PGPEP1L: variants seen among roughly 807,000 people sequenced by gnomAD.
PGPEP1L encodes pyroglutamyl-peptidase 1-like protein.
PGPEP1L carries 7 observed loss-of-function variants against 6.0 expected under a neutral mutation model. The ratio of observed to expected loss-of-function variants is 1.17; its 90% confidence interval spans 0.66 to 2.19. The LOEUF (loss-of-function observed/expected upper bound fraction) is 2.19, where lower values mean the gene tolerates loss of function less well. Ranked by LOEUF, PGPEP1L falls within the 30% of genes most tolerant of loss-of-function variation. The probability of loss-of-function intolerance (pLI) is 0.00; values close to 1 mark genes in which losing one functional copy is unlikely to be tolerated. For missense variants in PGPEP1L, 209 were observed against 192.5 expected (o/e 1.09, Z -0.51); for synonymous variants, 103 against 83.9 (o/e 1.23, Z -1.24).
intron 4 of PGPEP1L, 50 bp from the exon 5 acceptor site, chr15:98,968,747 C>A: frequency 1.3e-6 from 2 of 1,509,662 alleles, no homozygotes; most frequent in Non-Finnish European, 1.8e-6. Flanking sequence ...CCTCTAACCT[C>A]AGTGAAACAT....
chr15:99,005,184 G>A (rs1476746519), intron 2 of PGPEP1L, among the ~76,000 whole-genome samples: 3 of 152,160 alleles, frequency 2.0e-5, no homozygotes, highest in Non-Finnish European at 2.9e-5. Flanking sequence ...TGGCACCTTC[G>A]TGCCCGCCAC....
rs539457708 is a variant in PGPEP1L at position 98,994,567 on chromosome 15, T to C, written c.-142+10862A>G. ...CTATACTGCATTCCAGCCTGGGCAATTGGAGTGAGACCCTGTATCAAAAAA... is the reference window on the plus strand; with the variant it reads ...CTATACTGCATTCCAGCCTGGGCAACTGGAGTGAGACCCTGTATCAAAAAA... On this transcript the variant is annotated intron_variant, in intron 2 of 4. Coordinates refer to ENST00000535714, the MANE Select transcript of PGPEP1L (RefSeq NM_001167902.2). Among the ~76,000 whole-genome samples, 3 of 152,200 alleles carry C rather than the reference T, an allele frequency of 2.0e-5. No homozygotes were observed. In the South Asian group the frequency reaches 6.2e-4, roughly 32 times the overall value.
At chr15:98,984,338 G>A (rs906036469) in intron 2 of PGPEP1L, among the ~76,000 whole-genome samples, 1 of 152,068 alleles carries the variant, frequency 6.6e-6, no homozygotes, top group Non-Finnish European at 1.5e-5. Flanking sequence ...AACATTGCTT[G>A]GTAATGCTCT....
chr15:99,006,615 G>A (rs570424050), intron 1 of PGPEP1L, among the ~76,000 whole-genome samples: 1 of 152,324 alleles, frequency 6.6e-6, no homozygotes, highest in African/African-American at 2.4e-5. Context: ...GATAGCCTGA[G>A]GCCAGGAGTT....
chr15:98,972,923 T>C (rs1476104931), intron 2 of PGPEP1L, among the ~76,000 whole-genome samples: 3 of 138,448 alleles, frequency 2.2e-5, no homozygotes, highest in Non-Finnish European at 4.7e-5. Flanking sequence ...GCTGAATGGA[T>C]TTTGAAAAAA....
At chr15:98,982,286 C>T (rs780623795) in intron 2 of PGPEP1L, among the ~76,000 whole-genome samples, 4 of 152,134 alleles carry the variant, frequency 2.6e-5, no homozygotes, top group African/African-American at 9.7e-5. Context: ...CTTGTGCAGG[C>T]GACTGGGACT....
chr15:98,972,331 C>CA (rs1243342373), intron 2 of PGPEP1L, among the ~76,000 whole-genome samples: 1 of 149,456 alleles, frequency 6.7e-6, no homozygotes, highest in Non-Finnish European at 1.5e-5. Context: ...CCAGCCTGGG[C>CA]AACAAGAGCA....
At chr15:99,006,615 G>C (rs570424050) in intron 1 of PGPEP1L, among the ~76,000 whole-genome samples, 1 of 152,206 alleles carries the variant, frequency 6.6e-6, no homozygotes, top group South Asian at 2.1e-4. Flanking sequence ...GATAGCCTGA[G>C]GCCAGGAGTT....
At chr15:99,000,080 G>A (rs374490539) in intron 2 of PGPEP1L, among the ~76,000 whole-genome samples, 5 of 152,256 alleles carry the variant, frequency 3.3e-5, no homozygotes, top group East Asian at 1.9e-4. Context: ...GGGGCTGCGT[G>A]CAGTGCTTGC....
chr15:98,987,870 G>A (rs1567239775), intron 2 of PGPEP1L, among the ~76,000 whole-genome samples: 1 of 152,104 alleles, frequency 6.6e-6, no homozygotes, highest in Non-Finnish European at 1.5e-5. Flanking sequence ...TCCCACCTGG[G>A]AGGCACAAGG....
At chr15:98,994,862 T>C (rs1450401685) in intron 2 of PGPEP1L, among the ~76,000 whole-genome samples, 1 of 152,272 alleles carries the variant, frequency 6.6e-6, no homozygotes, top group African/African-American at 2.4e-5. Flanking sequence ...GATAATTTTT[T>C]GGCACTTTGA....
intron 2 of PGPEP1L, among the ~76,000 whole-genome samples, chr15:98,972,304 G>A (rs938293635): frequency 6.6e-6 from 1 of 152,002 alleles, no homozygotes; most frequent in Admixed American, 6.6e-5. Context: ...AGTGAACTGA[G>A]ATCGTGCCAT....
intron 2 of PGPEP1L, among the ~76,000 whole-genome samples, chr15:98,984,367 C>G (rs1372597941): frequency 1.3e-5 from 2 of 152,074 alleles, no homozygotes; most frequent in African/African-American, 4.8e-5. Context: ...ATAAAATTGA[C>G]TCTTGCTGGG....
chr15:98,971,042 CTGA>C lies in PGPEP1L; in HGVS notation c.-28_-26del, dbSNP rs1812459603. On this transcript the variant is annotated 5_prime_UTR_variant, in exon 3 of 5. Transcript: ENST00000535714. The stretch of plus-strand genomic sequence containing the variant: ...GCCTCTGGCCATCACTTACTTGCGG[CTGA>C]TGATCTTCCCAGATTCCGGTGACCC... 6.2e-7 allele frequency: 1 copy of C among 1,613,778 alleles called. No homozygotes were observed. The highest frequency in any genetic ancestry group is 8.5e-7 in the Non-Finnish European group (1 of 1,179,784).
intron 4 of PGPEP1L, among the ~76,000 whole-genome samples, chr15:98,968,925 G>C (rs954313544): frequency 6.6e-6 from 1 of 150,476 alleles, no homozygotes; most frequent in Non-Finnish European, 1.5e-5. Context: ...AGGCAGAAAG[G>C]GGTCAGATAT....
At chr15:99,000,979 G>A (rs2017959307) in intron 2 of PGPEP1L, among the ~76,000 whole-genome samples, 1 of 152,026 alleles carries the variant, frequency 6.6e-6, no homozygotes, top group Admixed American at 6.6e-5. Context: ...TTTCACTCCT[G>A]AAACCAGCGA....
chr15:99,001,044 A>G, intron 2 of PGPEP1L: 1 of 295,352 alleles, frequency 3.4e-6, no homozygotes, highest in Non-Finnish European at 6.8e-6. Context: ...TAAGAGCTGT[A>G]ACACTCACTC....
At chr15:99,000,107 C>T (rs990928464) in intron 2 of PGPEP1L, among the ~76,000 whole-genome samples, 8 of 152,246 alleles carry the variant, frequency 5.3e-5, no homozygotes, top group Non-Finnish European at 8.8e-5. Context: ...GCGCGAATTC[C>T]GGGTGGGCGT....
intron 2 of PGPEP1L, among the ~76,000 whole-genome samples, chr15:98,988,718 G>T (rs148817064): frequency 1.3e-5 from 2 of 152,296 alleles, no homozygotes; most frequent in East Asian, 3.9e-4. Context: ...AGTAGGGGCC[G>T]ACAGACACCT....
Sources: gnomAD v4.1 joint callset for allele counts (sites outside exome capture counted in the v4.1 genomes callset) on GRCh38, gnomAD v4.1.1 for gene constraint, MANE v1.5 for transcripts, NCBI Gene and HGNC (gene_info 2026-07-23, HGNC 2026-07-21) for gene names.